RABGAP1L: variants seen among roughly 807,000 people sequenced by gnomAD.
RABGAP1L encodes rab GTPase-activating protein 1-like.
Under a neutral mutation model 137.7 loss-of-function variants are expected in RABGAP1L, and 63 were observed. The observed-to-expected ratio is 0.46, with a 90% confidence interval of 0.37 to 0.56. RABGAP1L has a LOEUF of 0.56. RABGAP1L is among the 20% of genes least tolerant of loss of function. The pLI is 0.00. For synonymous variants in RABGAP1L, 431 were observed against 433.7 expected, an observed-to-expected ratio of 0.99 and a Z score of 0.08; for missense variants, 1,095 against 1,244.0, an observed-to-expected ratio of 0.88 and a Z score of 1.80.
At chr1:174,962,824 G>A (rs1350523648) in intron 20 of RABGAP1L, among the ~76,000 whole-genome samples, 2 of 152,212 alleles carry the variant, frequency 1.3e-5, no homozygotes, top group Non-Finnish European at 2.9e-5. Flanking sequence ...CTGGCTGGGT[G>A]TGGTGGCTCA....
intron 1 of RABGAP1L, among the ~76,000 whole-genome samples, chr1:174,168,802 A>C (rs1186250381): frequency 6.6e-6 from 1 of 152,260 alleles, no homozygotes; most frequent in East Asian, 1.9e-4. Flanking sequence ...TTCAGCATGA[A>C]TTATGCAGCT....
chr1:174,722,514 A>G (rs540990308), intron 17 of RABGAP1L, among the ~76,000 whole-genome samples: 7 of 151,758 alleles, frequency 4.6e-5, no homozygotes, highest in African/African-American at 1.5e-4. Flanking sequence ...CAGTGGTGCA[A>G]TCTCGGCTCA....
intron 15 of RABGAP1L, among the ~76,000 whole-genome samples, chr1:174,693,987 G>T (rs1679063574): frequency 6.6e-6 from 1 of 151,858 alleles, no homozygotes; most frequent in Non-Finnish European, 1.5e-5. Context: ...AAAAATATTT[G>T]GAAACATTAA....
chr1:174,220,892 C>A, intron 2 of RABGAP1L, 80 bp from the exon 3 acceptor site: 4 of 1,212,858 alleles, frequency 3.3e-6, no homozygotes, highest in Non-Finnish European at 4.5e-6. Context: ...TTAATTTCTT[C>A]TAGAAATGAA....
chr1:174,360,789 T>A (rs192192860), intron 11 of RABGAP1L, among the ~76,000 whole-genome samples: 8 of 152,302 alleles, frequency 5.3e-5, no homozygotes, highest in Admixed American at 4.6e-4. Flanking sequence ...AATTAACTAG[T>A]TTTTCTAGTT....
chr1:174,369,575 G>A (rs1158791024), intron 11 of RABGAP1L, among the ~76,000 whole-genome samples: 1 of 152,168 alleles, frequency 6.6e-6, no homozygotes, highest in Non-Finnish European at 1.5e-5. Flanking sequence ...TTGTTTACAT[G>A]GGATAGTTCC....
At chr1:174,212,217 C>T (rs941920955) in intron 1 of RABGAP1L, among the ~76,000 whole-genome samples, 13 of 151,812 alleles carry the variant, frequency 8.6e-5, no homozygotes, top group Admixed American at 7.2e-4. Flanking sequence ...AAGGATAGAC[C>T]GTACTTAGGT....
At chr1:174,849,151 C>A (rs921591575) in intron 19 of RABGAP1L, among the ~76,000 whole-genome samples, 2 of 152,122 alleles carry the variant, frequency 1.3e-5, no homozygotes, top group African/African-American at 4.8e-5. Flanking sequence ...GAGATGAACC[C>A]GGTACCTCAG....
intron 13 of RABGAP1L, among the ~76,000 whole-genome samples, chr1:174,521,808 C>G (rs1458817380): frequency 6.6e-6 from 1 of 152,004 alleles, no homozygotes; most frequent in Non-Finnish European, 1.5e-5. Context: ...TGGCTGGGTG[C>G]GGTGGCTCAC....
chr1:174,472,100 C>T (rs1005761175), intron 13 of RABGAP1L, among the ~76,000 whole-genome samples: 2 of 152,330 alleles, frequency 1.3e-5, no homozygotes, highest in South Asian at 4.1e-4. Flanking sequence ...GCACCTTGAT[C>T]TTGGACTTTC....
chr1:174,244,203 A>T (rs1672063772), intron 5 of RABGAP1L: 1 of 152,248 alleles, frequency 6.6e-6, no homozygotes, highest in Non-Finnish European at 1.5e-5. Context: ...AACAGTTGGC[A>T]GATAGTTCAG....
intron 17 of RABGAP1L, among the ~76,000 whole-genome samples, chr1:174,737,714 G>A (rs1268979622): frequency 6.6e-6 from 1 of 152,132 alleles, no homozygotes; most frequent in African/African-American, 2.4e-5. Context: ...CAAAGAAAGG[G>A]GTTTAATTTG....
At position 174,756,812 on chromosome 1, in the gene RABGAP1L, C is replaced by T. The variant is rs568033046; in HGVS notation, c.2211+4458C>T. On this transcript the variant is annotated intron_variant, in intron 18 of 25. Transcript: ENST00000681986. Reference sequence around the variant, plus strand: ...GGAGTCCCTACTCGGTTGCAAACTCCGGATGAGGGCTGGGGATTGAGGGCT... The same window carrying T: ...GGAGTCCCTACTCGGTTGCAAACTCTGGATGAGGGCTGGGGATTGAGGGCT... The T allele has an allele frequency of 3.2e-4, 173 of 547,838 alleles. 1 individual carries two copies. Among genetic ancestry groups the T allele is most frequent in the African/African-American group, 3.1e-3 (160 of 52,180 alleles). The allele number at this position is 547,838 out of a possible 1,614,324, so 33.9% of individuals were successfully genotyped here. A position where few individuals can be genotyped will look rare whatever the true frequency, so the allele number is the denominator to read the frequency against.
At chr1:174,521,100 G>A (rs1408342826) in intron 13 of RABGAP1L, among the ~76,000 whole-genome samples, 1 of 152,124 alleles carries the variant, frequency 6.6e-6, no homozygotes, top group Non-Finnish European at 1.5e-5. Flanking sequence ...ATAGCAGTGA[G>A]TTATGATAGT....
At chr1:174,921,300 G>C (rs1661753732) in intron 19 of RABGAP1L, among the ~76,000 whole-genome samples, 1 of 152,140 alleles carries the variant, frequency 6.6e-6, no homozygotes, top group African/African-American at 2.4e-5. Context: ...GTGCATACCT[G>C]GGTTTTGTTT....
intron 19 of RABGAP1L, among the ~76,000 whole-genome samples, chr1:174,927,217 A>G (rs991635420): frequency 5.3e-5 from 8 of 152,130 alleles, no homozygotes; most frequent in African/African-American, 1.7e-4. Flanking sequence ...TTAATAGTTA[A>G]TAGTCTATTC....
chr1:174,649,022 C>A lies in RABGAP1L; in HGVS notation c.1824+11534C>A, dbSNP rs536807726. Among the ~76,000 whole-genome samples, 3 of 152,166 alleles carry A rather than the reference C, an allele frequency of 2.0e-5. No individual in the cohort carries two copies. The East Asian group carries it at 5.8e-4, about 29-fold the overall frequency. ...GTTTTATCAGAGACTAGGATTGCCA[C>A]CCCTGCTTTTTTTTGCTTTCCATTT... On this transcript the variant is annotated intron_variant, in intron 14 of 25. Transcript: ENST00000681986.
chr1:174,169,135 T>C (rs1346714570), intron 1 of RABGAP1L, among the ~76,000 whole-genome samples: 1 of 152,228 alleles, frequency 6.6e-6, no homozygotes, highest in Non-Finnish European at 1.5e-5. Flanking sequence ...ACATTATCAA[T>C]AGCTTTGATA....
At chr1:174,933,393 C>A (rs1359037652) in intron 19 of RABGAP1L, among the ~76,000 whole-genome samples, 1 of 152,110 alleles carries the variant, frequency 6.6e-6, no homozygotes, top group Non-Finnish European at 1.5e-5. Flanking sequence ...GGCTGCCACT[C>A]TTCATAAATG....
Sources: allele counts gnomAD v4.1 joint callset (sites outside exome capture counted in the v4.1 genomes callset), GRCh38; gene constraint gnomAD v4.1.1; transcripts MANE v1.5; gene names NCBI Gene and HGNC (gene_info 2026-07-23, HGNC 2026-07-21).